NSDHL: variants seen among roughly 807,000 people sequenced by gnomAD.
NSDHL encodes the protein NAD(P) dependent 3-beta-hydroxysteroid dehydrogenase NSDHL, also known as sterol-4-alpha-carboxylate 3-dehydrogenase, decarboxylating.
NSDHL carries 1 observed loss-of-function variant against 23.0 expected under a neutral mutation model. The observed-to-expected ratio is 0.04, with a 90% CI of 0.02 to 0.21. NSDHL has a LOEUF of 0.21. Among genes scored for constraint, NSDHL ranks in the 10% least tolerant of loss-of-function variants. The probability of loss-of-function intolerance (pLI) is 1.00; values close to 1 mark genes in which losing one functional copy is unlikely to be tolerated. For synonymous variants in NSDHL, 128 were observed against 121.1 expected, an observed-to-expected ratio of 1.06 and a Z score of -0.37; for missense variants, 237 against 300.9, an observed-to-expected ratio of 0.79 and a Z score of 1.57.
chrX:152,843,971 T>C (rs1280430639), intron 1 of NSDHL, among the ~76,000 whole-genome samples: 1 of 111,854 alleles, frequency 8.9e-6, no homozygotes, highest in Non-Finnish European at 1.9e-5. Flanking sequence ...GGGAGCCGTT[T>C]CCAGGACAGA....
chrX:152,843,816 G>C (rs1933230201), intron 1 of NSDHL, among the ~76,000 whole-genome samples: 1 of 112,699 alleles, frequency 8.9e-6, no homozygotes, highest in South Asian at 3.6e-4. Context: ...ACCCAAGTTT[G>C]CTTGCGAGTC....
rs782238497 is a variant in NSDHL at position 152,868,906 on chromosome X, C to T, written c.912C>T (p.Ala304=). 5.0e-6 allele frequency: 6 copies of T among 1,212,068 alleles called. No individual in the cohort carries two copies. The highest frequency in any genetic ancestry group is 6.7e-6 in the Non-Finnish European group (6 of 895,521). The change falls in exon 8 of 8, where the codon GCC becomes GCT. Residue 304 remains alanine (A), a synonymous_variant. Coordinates refer to ENST00000370274, the MANE Select transcript of NSDHL (RefSeq NM_015922.3). ...CCTACTGGGTGGCCTACTACCTGGC[C>T]CTCCTGCTATCCCTGCTGGTGATGG... ...HIPYWVAYYL[A]LLLSLLVMVI... is the part of the protein sequence containing the mutation.
intron 4 of NSDHL, among the ~76,000 whole-genome samples, chrX:152,861,718 T>C (rs782147862): frequency 1.1e-4 from 12 of 113,077 alleles, no homozygotes; most frequent in African/African-American, 3.2e-4. Flanking sequence ...AGATTTTGCA[T>C]ATCTCGTTAA....
intron 1 of NSDHL, among the ~76,000 whole-genome samples, chrX:152,846,004 C>T (rs1933266899): frequency 8.9e-6 from 1 of 112,759 alleles, no homozygotes; most frequent in African/African-American, 3.2e-5. Context: ...TTTATGTTGT[C>T]ACTGATAAGT....
Position 152,831,073 on chromosome X carries a change from G to A in NSDHL, c.-88G>A, listed in dbSNP as rs982184133. On this transcript the variant is annotated 5_prime_UTR_variant, in exon 1 of 8. Transcript: ENST00000370274. ...CCGGGCCTGGAGTTCAGTGGGTGCA[G>A]CCTGCTTGCGAGCTGAGGCCAGACA... is the stretch of plus-strand genomic sequence containing the variant. The A allele has an allele frequency of 3.3e-6, 1 of 306,058 alleles. No individual in the cohort carries two copies. The highest frequency in any genetic ancestry group is 6.0e-5 in the Admixed American group (1 of 16,575). The allele number at this position is 306,058 out of a possible 1,213,427, so 25.2% of individuals were successfully genotyped here.
intron 3 of NSDHL, among the ~76,000 whole-genome samples, chrX:152,853,849 C>T (rs1310102652): frequency 8.9e-6 from 1 of 112,157 alleles, no homozygotes; most frequent in Non-Finnish European, 1.9e-5. Flanking sequence ...CCGCTGGTCT[C>T]CCTTACTCTG....
At position 152,846,250 on chromosome X, in the gene NSDHL, C is replaced by T. The variant is rs1181983559; in HGVS notation, c.-43-32C>T. 9.1e-6 allele frequency: 7 copies of T among 771,414 alleles called. No individual in the cohort carries two copies. In the East Asian group the frequency reaches 2.2e-4, roughly 24 times the overall value. 63.6% of individuals were successfully genotyped at this position (771,414 alleles called of 1,213,427 possible). A position where few individuals can be genotyped will look rare whatever the true frequency, so the allele number is the denominator to read the frequency against. ...ACTAAAGATGTTTTGACTTAGGCAA[C>T]ATTAATGTCTGTCTCTAACTATGTC... On this transcript the variant is annotated intron_variant, in intron 1 of 7. Coordinates refer to ENST00000370274, the MANE Select transcript of NSDHL (RefSeq NM_015922.3).
chrX:152,838,593 A>G (rs1295051966), intron 1 of NSDHL, among the ~76,000 whole-genome samples: 2 of 111,876 alleles, frequency 1.8e-5, no homozygotes, highest in Non-Finnish European at 3.8e-5. Flanking sequence ...TTCAGTTTTC[A>G]TGTAGTTGTG....
In NSDHL at chrX:152,865,843, G is replaced by C. The variant is rs1933598747; in HGVS notation, c.568G>C (p.Glu190Gln). ...GGCAGTTCTGGGCGCCAACGATCCT[G>C]AGAAGAATTTCTTAACCACAGCCAT... ...ERAVLGANDP[E>Q]KNFLTTAIRP... Residue 190 changes from glutamate to glutamine, a missense_variant, in exon 6 of 8, where the codon GAG (glutamate) becomes CAG (glutamine). Physicochemically the swap from Glu to Gln is conservative, Grantham distance 29 (BLOSUM62 2). Coordinates refer to ENST00000370274, the MANE Select transcript of NSDHL (RefSeq NM_015922.3). 8.2e-7 allele frequency: 1 copy of C among 1,212,526 alleles called. No individual in the cohort carries two copies. The highest frequency in any genetic ancestry group is 1.1e-6 in the Non-Finnish European group (1 of 895,656).
chrX:152,839,581 A>T (rs1933157548), intron 1 of NSDHL, among the ~76,000 whole-genome samples: 1 of 112,413 alleles, frequency 8.9e-6, no homozygotes, highest in Non-Finnish European at 1.9e-5. Context: ...TGGATATGAA[A>T]TTCTAGGTTG....
At chrX:152,834,372 A>G (rs1307115571) in intron 1 of NSDHL, among the ~76,000 whole-genome samples, 1 of 112,899 alleles carries the variant, frequency 8.9e-6, no homozygotes, top group African/African-American at 3.2e-5. Flanking sequence ...TTTTTGTCCT[A>G]AAAGTAAATA....
intron 1 of NSDHL, among the ~76,000 whole-genome samples, chrX:152,835,937 A>G (rs1240291289): frequency 6.2e-5 from 7 of 112,061 alleles, no homozygotes; most frequent in African/African-American, 1.6e-4. Flanking sequence ...AAGTGTTCCT[A>G]TTTCTCCACA....
chrX:152,858,993 C>T, intron 4 of NSDHL, 77 bp downstream of exon 4: 1 of 897,002 alleles, frequency 1.1e-6, no homozygotes, highest in East Asian at 3.1e-5. Flanking sequence ...GTAGTTCTTG[C>T]AGTCTCCCTG....
intron 2 of NSDHL, among the ~76,000 whole-genome samples, chrX:152,847,798 C>T (rs1255111818): frequency 2.7e-5 from 3 of 111,440 alleles, no homozygotes; most frequent in South Asian, 3.7e-4. Context: ...AAAAACCCAG[C>T]GCCCTAGACT....
intron 1 of NSDHL, among the ~76,000 whole-genome samples, chrX:152,832,704 CTGCGCAGGCTG>C (rs1933032935): frequency 8.9e-6 from 1 of 112,135 alleles, no homozygotes; most frequent in South Asian, 3.7e-4. Context: ...AACACAAGTT[CTGCGCAGGCTG>C]TGTGCAGGCT....
Position 152,857,703 on chromosome X carries a change from T to C in NSDHL, c.268-1067T>C, listed in dbSNP as rs143315374. Among the ~76,000 whole-genome samples, 693 of 112,146 alleles carry C rather than the reference T, an allele frequency of 6.2e-3. 7 individuals carry two copies. Among genetic ancestry groups the C allele is most frequent in the African/African-American group, 0.021 (659 of 30,833 alleles). On this transcript the variant is annotated intron_variant, in intron 3 of 7. Transcript: ENST00000370274. ...CAATTGGGGGAATTTGAATATAGAC[T>C]AATTATTGGATAAGAACATCATATC...
rs1029972297 is a variant in NSDHL, at chrX:152,850,531, T to C, written c.267+108T>C. ...ATTTGTTTGAAAAACAATTGTTTCA[T>C]TGTGAAAATTTTCAAAGTTATAGGA... On this transcript the variant is annotated intron_variant, in intron 3 of 7. Coordinates refer to ENST00000370274, the MANE Select transcript of NSDHL (RefSeq NM_015922.3). 5 of 816,627 alleles carry C rather than the reference T, an allele frequency of 6.1e-6. No homozygotes were observed. In the East Asian group the frequency reaches 9.4e-5, roughly 15 times the overall value. 67.3% of individuals were successfully genotyped at this position (816,627 alleles called of 1,213,427 possible). A position where few individuals can be genotyped will look rare whatever the true frequency, so the allele number is the denominator to read the frequency against.
Position 152,868,776 on chromosome X carries a change from C to T in NSDHL, c.790-8C>T. On this transcript the variant is annotated splice_polypyrimidine_tract_variant and splice_region_variant and intron_variant, in intron 7 of 7. Coordinates refer to ENST00000370274, the MANE Select transcript of NSDHL (RefSeq NM_015922.3). ...GTTTCTAACTTCTTGTTCTTGTTCT[C>T]CCGCCAGGCATTTCACATCACCAAT... is the stretch of plus-strand genomic sequence containing the variant. 2 of 1,204,619 alleles carry T rather than the reference C, an allele frequency of 1.7e-6. No homozygotes were observed. The highest frequency in any genetic ancestry group is 2.2e-6 in the Non-Finnish European group (2 of 890,644).
chrX:152,842,488 G>A (rs1182150079), intron 1 of NSDHL, among the ~76,000 whole-genome samples: 1 of 111,353 alleles, frequency 9.0e-6, no homozygotes, highest in African/African-American at 3.3e-5. Flanking sequence ...GTTGAGCATC[G>A]TTTTTTATTT....
Sources: gnomAD v4.1 joint callset for allele counts (sites outside exome capture counted in the v4.1 genomes callset) on GRCh38, gnomAD v4.1.1 for gene constraint, MANE v1.5 for transcripts, NCBI Gene and HGNC (gene_info 2026-07-23, HGNC 2026-07-21) for gene names.